Variants in PAPPA observed in about 807,000 individuals in gnomAD.
The protein encoded by PAPPA is pappalysin-1.
Under a neutral mutation model 164.0 loss-of-function variants are expected in PAPPA, and 60 were observed. The ratio of observed to expected loss-of-function variants is 0.37; its 90% confidence interval spans 0.30 to 0.45. The LOEUF is 0.45. Ranked by LOEUF, PAPPA falls within the 20% of genes least tolerant of loss-of-function variation. PAPPA has a pLI of 1.00. For missense variants in PAPPA, 1,782 were observed against 2,087.3 expected (o/e 0.85, Z 2.85); for synonymous variants, 875 against 814.1 (o/e 1.07, Z -1.27).
Position 116,382,507 on chromosome 9 carries a change from C to T in PAPPA, c.4776+14C>T, listed in dbSNP as rs765119523. Reference sequence around the variant, plus strand: ...AAGACCAAAAAGGTAGGCCAGTGTGCACTCCTCGGCAGCTGCCTCCTGCCC... The same window carrying T: ...AAGACCAAAAAGGTAGGCCAGTGTGTACTCCTCGGCAGCTGCCTCCTGCCC... On this transcript the variant is annotated intron_variant, in intron 21 of 21. Coordinates refer to ENST00000328252, the MANE Select transcript of PAPPA (RefSeq NM_002581.5). 10 of 1,522,714 alleles carry T rather than the reference C, an allele frequency of 6.6e-6. No homozygotes were observed. In the African/African-American group the frequency reaches 1.2e-4, roughly 19 times the overall value. 94.3% of individuals were successfully genotyped at this position (1,522,714 alleles called of 1,614,324 possible). A position where few individuals can be genotyped will look rare whatever the true frequency, so the allele number is the denominator to read the frequency against.
intron 21 of PAPPA, among the ~76,000 whole-genome samples, chr9:116,388,366 A>G (rs919718710): frequency 1.3e-5 from 2 of 152,198 alleles, no homozygotes; most frequent in South Asian, 2.1e-4. Context: ...AAAAAATTCA[A>G]TTTATAATTG....
rs764296221 is a variant in PAPPA at position 116,187,687 on chromosome 9, C to G, written c.949C>G (p.Leu317Val). The change falls in exon 2 of 22, where the codon CTG becomes GTG. Residue 317 changes from leucine to valine, a missense_variant. By Grantham distance (32) the Leu-to-Val change is conservative. This residue lies in a region of PAPPA where 458 missense variants were observed against 430.3 expected (regional missense o/e 1.06). Coordinates refer to ENST00000328252, the MANE Select transcript of PAPPA (RefSeq NM_002581.5). This position sits in a 1 kb window ranked among gnomAD's most constrained non-coding sequence, Gnocchi z 4.2. ...GGAATTCAGCAATGCCCACGGCTTT[C>G]TGCTGGACACGAGTCTGGAGCCTCC... ...KVEFSNAHGF[L>V]LDTSLEPPLC... 6.2e-7 allele frequency: 1 copy of G among 1,614,268 alleles called. No individual in the cohort carries two copies. The highest frequency in any genetic ancestry group is 1.3e-5 in the African/African-American group (1 of 75,078).
Position 116,175,153 on chromosome 9 carries a change from T to C in PAPPA, c.416-12001T>C, listed in dbSNP as rs76477751. On this transcript the variant is annotated intron_variant, in intron 1 of 21. Coordinates refer to ENST00000328252, the MANE Select transcript of PAPPA (RefSeq NM_002581.5). ...CCACTGATGTCAACCTCCCATTATA[T>C]AGATGGAAACATCGAGGGCCAGAAA... Among the ~76,000 whole-genome samples, 407 of 152,248 alleles carry C rather than the reference T, an allele frequency of 2.7e-3. 2 individuals carry two copies. The highest frequency in any genetic ancestry group is 9.6e-3 in the African/African-American group (397 of 41,550).
rs1182018927 is a variant in PAPPA at position 116,172,048 on chromosome 9, G to T, written c.416-15106G>T. Among the ~76,000 whole-genome samples, 9 of 152,116 alleles carry T rather than the reference G, an allele frequency of 5.9e-5. No individual in the cohort carries two copies. In the East Asian group the frequency reaches 1.5e-3, roughly 26 times the overall value. ...AGCTCCCTATTACCTATGCATAACA[G>T]CTAATATATTTAATGCATAATATGT... On this transcript the variant is annotated intron_variant, in intron 1 of 21. Coordinates refer to ENST00000328252, the MANE Select transcript of PAPPA (RefSeq NM_002581.5).
intron 17 of PAPPA, among the ~76,000 whole-genome samples, chr9:116,362,116 A>C (rs1846435470): frequency 6.6e-6 from 1 of 152,150 alleles, no homozygotes; most frequent in Non-Finnish European, 1.5e-5. Flanking sequence ...AGCTAGACCC[A>C]GATTATTATT....
intron 21 of PAPPA, among the ~76,000 whole-genome samples, chr9:116,388,948 T>C (rs1408098764): frequency 2.0e-5 from 3 of 152,120 alleles, no homozygotes; most frequent in African/African-American, 7.2e-5. Context: ...AGCACATTGG[T>C]CATTGGTCTA....
intron 2 of PAPPA, among the ~76,000 whole-genome samples, chr9:116,202,761 G>T (rs1289637545): frequency 6.6e-6 from 1 of 151,920 alleles, no homozygotes; most frequent in Non-Finnish European, 1.5e-5. Flanking sequence ...CATATTTTTG[G>T]GTACACTTCC....
At position 116,176,581 on chromosome 9, in the gene PAPPA, T is replaced by C. The variant is rs565126931; in HGVS notation, c.416-10573T>C. Among the ~76,000 whole-genome samples the C allele has an allele frequency of 9.2e-5, 14 of 152,276 alleles. No homozygotes were observed. The South Asian group carries it at 2.7e-3, about 29-fold the overall frequency. Reference sequence around the variant, plus strand: ...CTCTGCTCCATGGTAGCAGAGTTGATATTTGAAATCATATCTCACACCCCA... The same window carrying C: ...CTCTGCTCCATGGTAGCAGAGTTGACATTTGAAATCATATCTCACACCCCA... On this transcript the variant is annotated intron_variant, in intron 1 of 21. Coordinates refer to ENST00000328252, the MANE Select transcript of PAPPA (RefSeq NM_002581.5).
intron 19 of PAPPA, among the ~76,000 whole-genome samples, chr9:116,371,403 T>C (rs1846571939): frequency 1.3e-5 from 2 of 152,034 alleles, no homozygotes; most frequent in Non-Finnish European, 2.9e-5. Context: ...GGCAACAGAG[T>C]GAGACTCTGT....
At chr9:116,268,974 A>T (rs1367738748) in intron 8 of PAPPA, among the ~76,000 whole-genome samples, 1 of 152,180 alleles carries the variant, frequency 6.6e-6, no homozygotes, top group Non-Finnish European at 1.5e-5. Context: ...AAATATGGAT[A>T]GACTCAGCAC....
chr9:116,321,826 C>T (rs1845860127), intron 10 of PAPPA, among the ~76,000 whole-genome samples: 1 of 152,186 alleles, frequency 6.6e-6, no homozygotes, highest in Admixed American at 6.5e-5. Context: ...CAGGCATAGG[C>T]ACTGTCTTTG....
chr9:116,385,755 T>TG (rs1846802500), intron 21 of PAPPA, among the ~76,000 whole-genome samples: 2 of 152,402 alleles, frequency 1.3e-5, no homozygotes, highest in East Asian at 1.9e-4. Flanking sequence ...AGAATGCAGA[T>TG]GGCCAAGCTG....
intron 10 of PAPPA, among the ~76,000 whole-genome samples, chr9:116,314,112 G>C (rs147699536): frequency 1.8e-5 from 2 of 113,538 alleles, no homozygotes; most frequent in East Asian, 5.7e-4. Context: ...TCACTCTTTC[G>C]CCAGGCTGGA....
chr9:116,379,552 C>T (rs1338393301), intron 20 of PAPPA, among the ~76,000 whole-genome samples: 1 of 151,888 alleles, frequency 6.6e-6, no homozygotes, highest in Non-Finnish European at 1.5e-5. Flanking sequence ...TCCATCCATC[C>T]ATCCATCCAT....
chr9:116,198,089 A>G (rs867431959), intron 2 of PAPPA, among the ~76,000 whole-genome samples: 1 of 152,196 alleles, frequency 6.6e-6, no homozygotes, highest in African/African-American at 2.4e-5. Flanking sequence ...TAAGTTGTGC[A>G]TATTCACTCA....
At chr9:116,199,103 G>A (rs1431937514) in intron 2 of PAPPA, among the ~76,000 whole-genome samples, 1 of 152,078 alleles carries the variant, frequency 6.6e-6, no homozygotes, top group Non-Finnish European at 1.5e-5. Flanking sequence ...TAAGAACCTT[G>A]CCACTGGCAC....
chr9:116,246,586 G>T (rs995979611), intron 7 of PAPPA, among the ~76,000 whole-genome samples: 3 of 152,126 alleles, frequency 2.0e-5, no homozygotes, highest in African/African-American at 7.2e-5. Flanking sequence ...TTATAAACAT[G>T]CATGAATAAA....
At chr9:116,191,108 T>G (rs2118638103) in intron 2 of PAPPA, among the ~76,000 whole-genome samples, 1 of 152,316 alleles carries the variant, frequency 6.6e-6, no homozygotes, top group South Asian at 2.1e-4. Flanking sequence ...ACACATACAC[T>G]TCAAGCTCTG....
chr9:116,238,107 C>T (rs1227777685), intron 7 of PAPPA, among the ~76,000 whole-genome samples: 1 of 152,086 alleles, frequency 6.6e-6, no homozygotes, highest in Non-Finnish European at 1.5e-5. Flanking sequence ...CACTCTCCCC[C>T]GAGATATTTA....
Sources: gnomAD v4.1 joint callset for allele counts (sites outside exome capture counted in the v4.1 genomes callset) on GRCh38, gnomAD v4.1.1 for gene constraint, gnomAD v4.1.1 regional missense constraint, Gnocchi (gnomAD v3.1) non-coding constraint, MANE v1.5 for transcripts, NCBI Gene and HGNC (gene_info 2026-07-23, HGNC 2026-07-21) for gene names.